Variants in SLC12A1 observed in about 807,000 individuals in gnomAD.
SLC12A1 encodes solute carrier family 12 member 1.
In SLC12A1, 89 loss-of-function variants were observed where a neutral mutation model predicts 130.4. The ratio of observed to expected loss-of-function variants is 0.68; its 90% confidence interval spans 0.58 to 0.81. The LOEUF (loss-of-function observed/expected upper bound fraction) is 0.81, where lower values mean the gene tolerates loss of function less well. Ranked by LOEUF, SLC12A1 falls within the 40% of genes least tolerant of loss-of-function variation. The probability of loss-of-function intolerance (pLI) is 0.00; values close to 1 mark genes in which losing one functional copy is unlikely to be tolerated. For missense variants in SLC12A1, 1,310 were observed against 1,336.4 expected, an observed-to-expected ratio of 0.98 and a Z score of 0.31; for synonymous variants, 499 against 460.0, an observed-to-expected ratio of 1.08 and a Z score of -1.09.
chr15:48,296,642 T>C (rs1597462178), intron 24 of SLC12A1, among the ~76,000 whole-genome samples: 1 of 152,124 alleles, frequency 6.6e-6, no homozygotes. Flanking sequence ...TTTTTAAACT[T>C]TATTATGAGG....
chr15:48,213,455 T>C (rs2041079283), intron 2 of SLC12A1, among the ~76,000 whole-genome samples: 1 of 152,130 alleles, frequency 6.6e-6, no homozygotes, highest in Non-Finnish European at 1.5e-5. Context: ...TTTACAAGAG[T>C]TTCTGTGTAA....
chr15:48,241,052 TC>T (rs1439783705), intron 9 of SLC12A1, among the ~76,000 whole-genome samples: 10 of 152,184 alleles, frequency 6.6e-5, no homozygotes, highest in Non-Finnish European at 1.3e-4. Context: ...AAGTAGATCA[TC>T]CTTTTTACTC....
intron 7 of SLC12A1, among the ~76,000 whole-genome samples, chr15:48,232,485 A>T (rs1470073577): frequency 2.6e-5 from 4 of 152,216 alleles, no homozygotes; most frequent in African/African-American, 9.7e-5. Flanking sequence ...ATGTTACAGA[A>T]ATGTCACGTT....
intron 5 of SLC12A1, chr15:48,227,998 C>T (rs919622155): frequency 3.9e-5 from 6 of 152,012 alleles, no homozygotes; most frequent in African/African-American, 1.4e-4. Context: ...GGACTTTGAC[C>T]CCTGAGCCCA....
intron 9 of SLC12A1, among the ~76,000 whole-genome samples, chr15:48,240,395 G>A (rs983741781): frequency 6.6e-6 from 1 of 152,168 alleles, no homozygotes; most frequent in Non-Finnish European, 1.5e-5. Context: ...CAAACCCTGT[G>A]TACAGATACT....
intron 9 of SLC12A1, 63 bp downstream of exon 9, chr15:48,235,067 G>A (rs2041425121): frequency 1.9e-6 from 3 of 1,539,042 alleles, no homozygotes; most frequent in Admixed American, 3.3e-5. Flanking sequence ...GTAGCACAAG[G>A]AGCTAGAGAG....
intron 9 of SLC12A1, among the ~76,000 whole-genome samples, chr15:48,240,092 CATATATATATAT>C (rs1202434183): frequency 3.3e-5 from 2 of 60,450 alleles, no homozygotes; most frequent in African/African-American, 1.6e-4. Context: ...TATATATATC[CATATATATATAT>C]ATATATCCAT....
At chr15:48,275,352 T>C (rs1307860436) in intron 20 of SLC12A1, among the ~76,000 whole-genome samples, 2 of 152,214 alleles carry the variant, frequency 1.3e-5, no homozygotes, top group African/African-American at 2.4e-5. Context: ...GTGCCTGTTA[T>C]GTACCAGGCA....
intron 2 of SLC12A1, among the ~76,000 whole-genome samples, chr15:48,208,683 C>T (rs1000513155): frequency 1.3e-5 from 2 of 152,142 alleles, no homozygotes; most frequent in African/African-American, 2.4e-5. Context: ...TATGTTGTAC[C>T]TTGTATATGA....
At chr15:48,296,696 C>G (rs1164602972) in intron 24 of SLC12A1, among the ~76,000 whole-genome samples, 1 of 152,102 alleles carries the variant, frequency 6.6e-6, no homozygotes, top group Non-Finnish European at 1.5e-5. Flanking sequence ...AAATTGAATT[C>G]TTATTTATAT....
chr15:48,242,689 C>T (rs370233787), intron 10 of SLC12A1, among the ~76,000 whole-genome samples: 41 of 152,120 alleles, frequency 2.7e-4, no homozygotes, highest in East Asian at 2.5e-3. Context: ...ATGATCCCAG[C>T]GACTTGGAAG....
At chr15:48,212,460 C>T (rs1328314521) in intron 2 of SLC12A1, among the ~76,000 whole-genome samples, 2 of 152,186 alleles carry the variant, frequency 1.3e-5, no homozygotes, top group Non-Finnish European at 2.9e-5. Flanking sequence ...AACATACCCT[C>T]GAGATCTTTC....
chr15:48,232,812 A>C lies in SLC12A1; in HGVS notation c.1061A>C (p.Lys354Thr). 1 of 1,610,552 alleles carries C rather than the reference A, an allele frequency of 6.2e-7. No individual in the cohort carries two copies. The highest frequency in any genetic ancestry group is 8.5e-7 in the Non-Finnish European group (1 of 1,177,172). Residue 354 changes from lysine to threonine, a missense_variant, in exon 8 of 27, where the codon AAG becomes ACG. Coordinates refer to ENST00000380993, the MANE Select transcript of SLC12A1 (RefSeq NM_000338.3). ...GTVIPSNNEK[K>T]SRGFFNYQAS... ...GTCATTCCATCCAACAATGAGAAAA[A>C]GTCCAGAGGTTTCTTTAATTACCAA...
At chr15:48,228,917 ATTTT>A in intron 5 of SLC12A1, 2 of 290,040 alleles carry the variant, frequency 6.9e-6, no homozygotes, top group Non-Finnish European at 1.3e-5. Flanking sequence ...TTTTTTGTAA[ATTTT>A]GCTGTGTTCT....
intron 26 of SLC12A1, 49 bp downstream of exon 26, chr15:48,301,431 T>C (rs1453425248): frequency 2.3e-6 from 3 of 1,291,418 alleles, no homozygotes; most frequent in Non-Finnish European, 2.2e-6. Flanking sequence ...AATCTTAGGG[T>C]TAATGGGTTA....
chr15:48,266,025 T>TA (rs1377467760), intron 17 of SLC12A1, among the ~76,000 whole-genome samples: 2 of 152,238 alleles, frequency 1.3e-5, no homozygotes, highest in Non-Finnish European at 2.9e-5. Flanking sequence ...ATCCAGTGTG[T>TA]AGTTTATGCA....
intron 9 of SLC12A1, among the ~76,000 whole-genome samples, chr15:48,236,092 AACACACACACAC>A (rs56371843): frequency 1.2e-3 from 170 of 145,856 alleles, no homozygotes; most frequent in Middle Eastern, 7.2e-3. Context: ...AGCCATTTCT[AACACACACACAC>A]ACACACACAC....
chr15:48,282,973 C>T (rs2042023190), intron 20 of SLC12A1, among the ~76,000 whole-genome samples: 1 of 152,056 alleles, frequency 6.6e-6, no homozygotes, highest in Non-Finnish European at 1.5e-5. Flanking sequence ...TCTTCATCTA[C>T]AAAATGAAGA....
chr15:48,235,157 T>A, intron 9 of SLC12A1, 153 bp downstream of exon 9: 1 of 831,086 alleles, frequency 1.2e-6, no homozygotes. Flanking sequence ...AGTTCTCTCT[T>A]TTAATGCCAA....
Sources: allele counts gnomAD v4.1 joint callset (sites outside exome capture counted in the v4.1 genomes callset), GRCh38; gene constraint gnomAD v4.1.1; transcripts MANE v1.5; gene names NCBI Gene and HGNC (gene_info 2026-07-23, HGNC 2026-07-21).